CHST9: variants seen among roughly 807,000 people sequenced by gnomAD.
CHST9 encodes the protein GalNAc-4-sulfotransferase 2.
CHST9 carries 41 observed loss-of-function variants against 44.4 expected under a neutral mutation model. The ratio of observed to expected loss-of-function variants is 0.92; its 90% CI spans 0.72 to 1.20. The LOEUF is 1.20. Ranked by LOEUF, CHST9 falls within the 50% of genes most tolerant of loss-of-function variation. The pLI, the probability that CHST9 is intolerant of heterozygous loss-of-function variation, is 0.00. For missense variants in CHST9, 504 were observed against 516.5 expected (o/e 0.98, Z 0.23); for synonymous variants, 171 against 178.4 (o/e 0.96, Z 0.33).
chr18:26,948,929 C>T (rs1339429387), intron 4 of CHST9, among the ~76,000 whole-genome samples: 1 of 152,086 alleles, frequency 6.6e-6, no homozygotes, highest in Non-Finnish European at 1.5e-5. Flanking sequence ...CACGCATACA[C>T]TTTAGCAGGT....
chr18:27,170,528 C>T (rs1038068073), intron 1 of CHST9, among the ~76,000 whole-genome samples: 4 of 152,098 alleles, frequency 2.6e-5, no homozygotes, highest in African/African-American at 9.7e-5. Context: ...AAAATTCTTT[C>T]CCTTCAGTGT....
At chr18:27,123,791 T>C (rs986183191) in intron 2 of CHST9, among the ~76,000 whole-genome samples, 3 of 152,154 alleles carry the variant, frequency 2.0e-5, no homozygotes, top group Admixed American at 6.5e-5. Context: ...AAGGCTACTC[T>C]TTGCAAACCA....
chr18:27,179,102 C>CTATA (rs1255087270), intron 1 of CHST9, among the ~76,000 whole-genome samples: 38 of 120,220 alleles, frequency 3.2e-4, no homozygotes, highest in African/African-American at 1.1e-3. Context: ...CTCTCTCTCT[C>CTATA]TCTATATATA....
chr18:27,031,876 T>A (rs2057344341), intron 3 of CHST9, among the ~76,000 whole-genome samples: 2 of 152,220 alleles, frequency 1.3e-5, no homozygotes, highest in African/African-American at 4.8e-5. Flanking sequence ...CATTGCTCGT[T>A]GGGAGGAAGG....
intron 4 of CHST9, among the ~76,000 whole-genome samples, chr18:26,982,854 A>C (rs2056709479): frequency 6.6e-6 from 1 of 152,166 alleles, no homozygotes; most frequent in Non-Finnish European, 1.5e-5. Context: ...AAATTCATAT[A>C]CTCAAAAAAT....
At chr18:27,030,776 G>T (rs945101980) in intron 3 of CHST9, among the ~76,000 whole-genome samples, 3 of 152,202 alleles carry the variant, frequency 2.0e-5, no homozygotes, top group African/African-American at 4.8e-5. Context: ...GCACTGAAAA[G>T]GGGTGGAGGG....
intron 5 of CHST9, among the ~76,000 whole-genome samples, chr18:26,917,778 T>C (rs147419356): frequency 2.0e-5 from 3 of 152,192 alleles, no homozygotes; most frequent in East Asian, 3.8e-4. Context: ...ATGCACAGAA[T>C]AGTTCAAAAT....
At position 26,916,086 on chromosome 18, in the gene CHST9, T is replaced by C; in HGVS notation, c.*173A>G. On this transcript the variant is annotated 3_prime_UTR_variant, in exon 6 of 6. Transcript: ENST00000618847. ...AGTTGTTTACATCTCCTGTAGGTGA[T>C]TTTCCTATAACTTTGTGCCAATTGG... 1.9e-6 allele frequency: 1 copy of C among 531,610 alleles called. No homozygotes were observed. The highest frequency in any genetic ancestry group is 3.1e-5 in the South Asian group (1 of 32,414). 32.9% of individuals were successfully genotyped at this position (531,610 alleles called of 1,614,324 possible). A position where few individuals can be genotyped will look rare whatever the true frequency, so the allele number is the denominator to read the frequency against.
intron 4 of CHST9, among the ~76,000 whole-genome samples, chr18:26,945,790 A>G (rs2056153153): frequency 6.6e-6 from 1 of 152,202 alleles, no homozygotes; most frequent in Non-Finnish European, 1.5e-5. Context: ...TCCAGAAGTG[A>G]CATTGCTGGG....
intron 2 of CHST9, among the ~76,000 whole-genome samples, chr18:27,107,232 G>A (rs1485279901): frequency 1.3e-5 from 2 of 152,152 alleles, no homozygotes; most frequent in Admixed American, 6.5e-5. Flanking sequence ...TATTTTATAA[G>A]CAATGAAGAG....
chr18:27,130,121 G>A (rs551459940), intron 2 of CHST9, among the ~76,000 whole-genome samples: 34 of 152,224 alleles, frequency 2.2e-4, no homozygotes, highest in African/African-American at 8.2e-4. Flanking sequence ...GGAGGAGGCT[G>A]GGACTAGATG....
Position 27,017,434 on chromosome 18 carries a change from G to A in CHST9, c.202+6682C>T, listed in dbSNP as rs77018283. ...TAGAATATCACACATCAATAAAAAA[G>A]GAGTGAATGACTGATATATGCAACA... is the stretch of plus-strand genomic sequence containing the variant. On this transcript the variant is annotated intron_variant, in intron 4 of 5. Coordinates refer to ENST00000618847, the MANE Select transcript of CHST9 (RefSeq NM_031422.6). Among the ~76,000 whole-genome samples the A allele has an allele frequency of 3.5e-3, 530 of 152,284 alleles. 2 individuals carry two copies. The highest frequency in any genetic ancestry group is 5.9e-3 in the Admixed American group (90 of 15,290).
At chr18:27,019,689 C>CAAAAAAAAAAAA (rs60043018) in intron 4 of CHST9, among the ~76,000 whole-genome samples, 2 of 91,300 alleles carry the variant, frequency 2.2e-5, no homozygotes, top group Non-Finnish European at 4.2e-5. Flanking sequence ...CACTACATGG[C>CAAAAAAAAAAAA]AAAAAAAAAA....
In CHST9 at chr18:26,906,923, C is replaced by G. The variant is rs1398171129; in HGVS notation, c.*9336G>C. ...GTTAGGGTATTATGTCCATTCTAGG[C>G]TGTTGGAGATTAAGCCAGGAGGCAG... On this transcript the variant is annotated 3_prime_UTR_variant, in exon 6 of 6. Transcript: ENST00000618847. 1 of 152,190 alleles carries G rather than the reference C, an allele frequency of 6.6e-6. No individual in the cohort carries two copies. Among genetic ancestry groups the G allele is most frequent in the Non-Finnish European group, 1.5e-5 (1 of 68,094 alleles). The allele number at this position is 152,190 out of a possible 1,614,324, so 9.4% of individuals were successfully genotyped here. A position where few individuals can be genotyped will look rare whatever the true frequency, so the allele number is the denominator to read the frequency against.
chr18:27,064,552 C>T (rs993937158), intron 2 of CHST9, among the ~76,000 whole-genome samples: 4 of 152,176 alleles, frequency 2.6e-5, no homozygotes, highest in African/African-American at 9.7e-5. Context: ...TCATGGATGG[C>T]GGAACTATTC....
At chr18:26,919,562 T>C (rs1420389485) in intron 5 of CHST9, among the ~76,000 whole-genome samples, 1 of 152,190 alleles carries the variant, frequency 6.6e-6, no homozygotes, top group East Asian at 1.9e-4. Flanking sequence ...GCAGCAGCAG[T>C]AGTAGTAGTT....
At chr18:27,021,697 TACTC>T (rs2057228477) in intron 4 of CHST9, among the ~76,000 whole-genome samples, 2 of 152,226 alleles carry the variant, frequency 1.3e-5, no homozygotes, top group Non-Finnish European at 2.9e-5. Context: ...GATAAGCTCT[TACTC>T]ACAGAAGACA....
Position 27,053,130 on chromosome 18 carries a change from G to GGAAGAAGAAGAGGAAGAAGAA in CHST9, c.122-4628_122-4627insTTCTTCTTCCTCTTCTTCTTC, listed in dbSNP as rs1192075553. Among the ~76,000 whole-genome samples the GGAAGAAGAAGAGGAAGAAGAA allele has an allele frequency of 1.9e-3, 132 of 71,224 alleles. 3 individuals are homozygous for GGAAGAAGAAGAGGAAGAAGAA. Among genetic ancestry groups the GGAAGAAGAAGAGGAAGAAGAA allele is most frequent in the East Asian group, 8.2e-3 (18 of 2,186 alleles). The allele number at this position is 71,224 out of a possible 152,430, so 46.7% of individuals were successfully genotyped here. ...AAGAAGAAGAGGAGGAGGAAGAAGA[G>GGAAGAAGAAGAGGAAGAAGAA]GAAGAAGAAGAAGAAGAAGAAGAAG... On this transcript the variant is annotated intron_variant, in intron 2 of 5. Coordinates refer to ENST00000618847, the MANE Select transcript of CHST9 (RefSeq NM_031422.6).
intron 2 of CHST9, among the ~76,000 whole-genome samples, chr18:27,052,830 C>A (rs1161047048): frequency 6.6e-6 from 1 of 151,842 alleles, no homozygotes; most frequent in African/African-American, 2.4e-5. Flanking sequence ...GAACAGAAAA[C>A]CATACACCTC....
Sources: gnomAD v4.1 joint callset for allele counts (sites outside exome capture counted in the v4.1 genomes callset) on GRCh38, gnomAD v4.1.1 for gene constraint, MANE v1.5 for transcripts, NCBI Gene and HGNC (gene_info 2026-07-23, HGNC 2026-07-21) for gene names.